The following NKD1 variants were observed in gnomAD, a reference collection of about 807,000 sequenced individuals.
NKD1 encodes NKD inhibitor of Wnt signaling pathway 1.
A neutral mutation model predicts 56.0 loss-of-function variants in NKD1; 21 were observed. The observed-to-expected ratio is 0.38, with a 90% CI of 0.27 to 0.54. The LOEUF (loss-of-function observed/expected upper bound fraction) is 0.54, where lower values mean the gene tolerates loss of function less well. NKD1 is among the 20% of genes least tolerant of loss of function. NKD1 has a pLI of 0.82. For missense variants in NKD1, 578 were observed against 642.7 expected, an observed-to-expected ratio of 0.90 and a Z score of 1.09; for synonymous variants, 263 against 265.7, an observed-to-expected ratio of 0.99 and a Z score of 0.10.
At position 50,630,847 on chromosome 16, in the gene NKD1, G is replaced by T; in HGVS notation, c.632G>T (p.Arg211Leu). ...TCAGACCTGCAGAGCGCAAGGCCCC[G>T]AGCAGAGACCAAGCCCACTGAGGAC... Reference protein sequence around the residue: ...NQADLQSARPRAETKPTEDLR... With the variant: ...NQADLQSARPLAETKPTEDLR... The change falls in exon 8 of 10, where the codon CGA (arginine) becomes CTA (leucine). Residue 211 changes from arginine to leucine, a missense_variant. Coordinates refer to ENST00000268459, the MANE Select transcript of NKD1 (RefSeq NM_033119.5). 1 of 1,605,958 alleles carries T rather than the reference G, an allele frequency of 6.2e-7. No individual in the cohort carries two copies.
At chr16:50,605,613 C>T (rs1467207623) in intron 3 of NKD1, among the ~76,000 whole-genome samples, 1 of 152,210 alleles carries the variant, frequency 6.6e-6, no homozygotes, top group Non-Finnish European at 1.5e-5. Context: ...ACAACCATCT[C>T]CATAGCATTT....
chr16:50,618,755 G>A (rs891206820), intron 4 of NKD1, among the ~76,000 whole-genome samples: 3 of 152,166 alleles, frequency 2.0e-5, no homozygotes, highest in Non-Finnish European at 2.9e-5. Context: ...ACTGACCGTC[G>A]GCTGACCTGT....
intron 3 of NKD1, among the ~76,000 whole-genome samples, chr16:50,572,664 A>C (rs575818107): frequency 6.6e-6 from 1 of 152,282 alleles, no homozygotes; most frequent in East Asian, 1.9e-4. Flanking sequence ...GAATCAGAGA[A>C]ATCCTCTCTG....
chr16:50,642,371 G>A lies in NKD1; in HGVS notation c.*8590G>A, dbSNP rs545410916. On this transcript the variant is annotated 3_prime_UTR_variant, in exon 10 of 10. Coordinates refer to ENST00000268459, the MANE Select transcript of NKD1 (RefSeq NM_033119.5). Reference sequence around the variant, plus strand: ...CTGATGTCCTAGATCCTGTGCACTTGGCTTCATGGATAGAGTCTGAGAAGG... The same window carrying A: ...CTGATGTCCTAGATCCTGTGCACTTAGCTTCATGGATAGAGTCTGAGAAGG... The A allele has an allele frequency of 6.6e-6, 1 of 152,258 alleles. No individual in the cohort carries two copies. The allele number at this position is 152,258 out of a possible 1,614,324, so 9.4% of individuals were successfully genotyped here.
intron 3 of NKD1, among the ~76,000 whole-genome samples, chr16:50,560,209 C>T (rs989787959): frequency 1.1e-4 from 16 of 152,260 alleles, no homozygotes; most frequent in African/African-American, 3.9e-4. Flanking sequence ...TCTGCTTCCT[C>T]CCTGCCCTGG....
At position 50,645,097 on chromosome 16, in the gene NKD1, A is replaced by C. The variant is rs927611430; in HGVS notation, c.*11316A>C. The C allele has an allele frequency of 6.6e-6, 1 of 152,230 alleles. No individual in the cohort carries two copies. The highest frequency in any genetic ancestry group is 2.4e-5 in the African/African-American group (1 of 41,446). The allele number at this position is 152,230 out of a possible 1,614,324, so 9.4% of individuals were successfully genotyped here. On this transcript the variant is annotated 3_prime_UTR_variant, in exon 10 of 10. Coordinates refer to ENST00000268459, the MANE Select transcript of NKD1 (RefSeq NM_033119.5). Reference sequence around the variant, plus strand: ...ACCGTCATCTCCAGGCTTTCTGTTCATCCGTACTTTCAAAGATTTAGTGAT... The same window carrying C: ...ACCGTCATCTCCAGGCTTTCTGTTCCTCCGTACTTTCAAAGATTTAGTGAT...
intron 4 of NKD1, among the ~76,000 whole-genome samples, chr16:50,615,307 C>T (rs1961936222): frequency 1.3e-5 from 2 of 152,310 alleles, no homozygotes; most frequent in African/African-American, 4.8e-5. Flanking sequence ...GCTGATGATG[C>T]AGCACCTATA....
Position 50,625,952 on chromosome 16 carries a change from C to T in NKD1, c.462+372C>T, listed in dbSNP as rs139381859. ...CAGTCCCAGAGCTCTAGGGGTGGGGCTGGCACCACCACAGGCCACCTCCCT... is the reference window on the plus strand; with the variant it reads ...CAGTCCCAGAGCTCTAGGGGTGGGGTTGGCACCACCACAGGCCACCTCCCT... On this transcript the variant is annotated intron_variant, in intron 6 of 9. Coordinates refer to ENST00000268459, the MANE Select transcript of NKD1 (RefSeq NM_033119.5). Among the ~76,000 whole-genome samples the T allele has an allele frequency of 5.2e-3, 794 of 152,352 alleles. 4 individuals carry two copies. The highest frequency in any genetic ancestry group is 0.018 in the African/African-American group (761 of 41,576).
Position 50,634,901 on chromosome 16 carries a change from TTGG to T in NKD1, c.*1124_*1126del, listed in dbSNP as rs1451031257. On this transcript the variant is annotated 3_prime_UTR_variant, in exon 10 of 10. Coordinates refer to ENST00000268459, the MANE Select transcript of NKD1 (RefSeq NM_033119.5). ...GAGAGAACTGCTGGGGTACAGAAAC[TTGG>T]TGGGAAAAGGGGACTGTGGCCAGAG... 6.6e-6 allele frequency: 1 copy of T among 152,150 alleles called. No individual in the cohort carries two copies. The highest frequency in any genetic ancestry group is 2.4e-5 in the African/African-American group (1 of 41,366). 9.4% of individuals were successfully genotyped at this position (152,150 alleles called of 1,614,324 possible). A position where few individuals can be genotyped will look rare whatever the true frequency, so the allele number is the denominator to read the frequency against.
chr16:50,606,657 G>A, intron 3 of NKD1: 1 of 410,914 alleles, frequency 2.4e-6, no homozygotes, highest in Non-Finnish European at 5.0e-6. Context: ...AAGTGTGCCA[G>A]TAAAAAGACA....
chr16:50,600,605 G>T (rs1289858274), intron 3 of NKD1, among the ~76,000 whole-genome samples: 1 of 152,244 alleles, frequency 6.6e-6, no homozygotes, highest in Non-Finnish European at 1.5e-5. Flanking sequence ...CCAGAGACAT[G>T]GCTCTGGAGG....
rs1962381884 is a variant in NKD1, at chr16:50,633,097, T to G, written c.824-95T>G. 8.4e-7 allele frequency: 1 copy of G among 1,197,180 alleles called. No homozygotes were observed. Among genetic ancestry groups the G allele is most frequent in the African/African-American group, 1.6e-5 (1 of 63,954 alleles). The allele number at this position is 1,197,180 out of a possible 1,614,324, so 74.2% of individuals were successfully genotyped here. A position where few individuals can be genotyped will look rare whatever the true frequency, so the allele number is the denominator to read the frequency against. Reference sequence around the variant, plus strand: ...CAGGGCATTGGGGGGTAGCTCTGGTTTTGGAGAACTGGGGGCGGGGGTGAT... The same window carrying G: ...CAGGGCATTGGGGGGTAGCTCTGGTGTTGGAGAACTGGGGGCGGGGGTGAT... On this transcript the variant is annotated intron_variant, in intron 9 of 9. Coordinates refer to ENST00000268459, the MANE Select transcript of NKD1 (RefSeq NM_033119.5). The surrounding 1 kb of genome is among the most constrained non-coding windows in gnomAD (Gnocchi z 4.9).
intron 3 of NKD1, among the ~76,000 whole-genome samples, chr16:50,588,737 G>A (rs1277158657): frequency 6.6e-6 from 1 of 151,076 alleles, no homozygotes; most frequent in Non-Finnish European, 1.5e-5. Flanking sequence ...CCGATTAGCT[G>A]GGATTACCAG....
At chr16:50,571,705 C>T (rs1383671804) in intron 3 of NKD1, among the ~76,000 whole-genome samples, 2 of 152,096 alleles carry the variant, frequency 1.3e-5, no homozygotes, top group Non-Finnish European at 2.9e-5. Context: ...CACCATGGTC[C>T]CCATCCTCTT....
chr16:50,621,752 T>G (rs1049795702), intron 5 of NKD1, 44 bp downstream of exon 5: 23 of 1,439,924 alleles, frequency 1.6e-5, no homozygotes, highest in East Asian at 2.3e-5. Flanking sequence ...ATGAGATGGG[T>G]TTTCTCAGCT....
At chr16:50,571,843 G>A (rs969046311) in intron 3 of NKD1, among the ~76,000 whole-genome samples, 1 of 152,094 alleles carries the variant, frequency 6.6e-6, no homozygotes, top group Non-Finnish European at 1.5e-5. Flanking sequence ...TCTCTACTGC[G>A]GCTTCCCACA....
At chr16:50,578,558 G>A (rs140447307) in intron 3 of NKD1, among the ~76,000 whole-genome samples, 2 of 152,274 alleles carry the variant, frequency 1.3e-5, no homozygotes, top group East Asian at 1.9e-4. Context: ...GCGGAGTGAT[G>A]TTCCCCTGGG....
chr16:50,611,433 C>A (rs1329148041), intron 4 of NKD1, among the ~76,000 whole-genome samples: 1 of 151,792 alleles, frequency 6.6e-6, no homozygotes, highest in Non-Finnish European at 1.5e-5. Flanking sequence ...CGGGACCAGG[C>A]CCAGGCCTCC....
intron 2 of NKD1, 175 bp downstream of exon 2, chr16:50,548,924 C>T: frequency 1.1e-6 from 1 of 933,756 alleles, no homozygotes; most frequent in Non-Finnish European, 1.3e-6. Context: ...CTCTGTCCCT[C>T]CTACCCGCTC....
Sources: allele counts gnomAD v4.1 joint callset (sites outside exome capture counted in the v4.1 genomes callset), GRCh38; gene constraint gnomAD v4.1.1; non-coding constraint Gnocchi (gnomAD v3.1); transcripts MANE v1.5; gene names NCBI Gene and HGNC (gene_info 2026-07-23, HGNC 2026-07-21).